GALNT15: variants seen among roughly 807,000 people sequenced by gnomAD.
GALNT15 encodes the protein polypeptide N-acetylgalactosaminyltransferase 15, also known as UDP-GalNAc transferase T15.
A neutral mutation model predicts 66.8 loss-of-function variants in GALNT15; 67 were observed. The observed-to-expected ratio is 1.00, with a 90% CI of 0.82 to 1.23. GALNT15 has a LOEUF of 1.23. Among genes scored for constraint, GALNT15 ranks in the 50% most tolerant of loss-of-function variants. GALNT15 has a pLI of 0.00. For synonymous variants in GALNT15, 313 were observed against 311.5 expected (o/e 1.00, Z -0.05); for missense variants, 827 against 804.3 (o/e 1.03, Z -0.34).
Position 16,227,436 on chromosome 3 carries a change from C to A in GALNT15, c.1856C>A (p.Pro619Gln), listed in dbSNP as rs768652643. 8 of 1,613,996 alleles carry A rather than the reference C, an allele frequency of 5.0e-6. No homozygotes were observed. The Admixed American group carries it at 1.2e-4, about 24-fold the overall frequency. ...AACAATAAAGATTTGTACCTGCGTCCGTGTGATGGAAAAGCCCGCCAGCAG... is the reference window on the plus strand; with the variant it reads ...AACAATAAAGATTTGTACCTGCGTCAGTGTGATGGAAAAGCCCGCCAGCAG... ...QENNKDLYLR[P>Q]CDGKARQQWR... The change falls in exon 10 of 10, where the codon CCG (proline) becomes CAG (glutamine). Residue 619 changes from proline (P) to glutamine (Q), a missense_variant. Pro to Gln is a moderately conservative substitution (Grantham distance 76). Transcript: ENST00000339732. The surrounding 1 kb of genome is among the most constrained non-coding windows in gnomAD (Gnocchi z 4.5).
At chr3:16,231,648 A>G (rs928027754), downstream of GALNT15, 36 of 633,894 alleles carry the variant, frequency 5.7e-5, no homozygotes, top group African/African-American at 6.2e-4. This position sits in a 1 kb window ranked among gnomAD's most constrained non-coding sequence, Gnocchi z 4.1. Flanking sequence ...AAGAGACCAG[A>G]TTAATGTTTG....
downstream of GALNT15, among the ~76,000 whole-genome samples, chr3:16,234,123 G>A (rs2064111548): frequency 6.6e-6 from 1 of 152,172 alleles, no homozygotes; most frequent in Admixed American, 6.5e-5. Flanking sequence ...AGATTTGATT[G>A]TCTTAATCCT....
chr3:16,232,489 T>A (rs1261720433), downstream of GALNT15, among the ~76,000 whole-genome samples: 346 of 74,558 alleles, frequency 4.6e-3, 11 homozygotes, highest in African/African-American at 0.012. Context: ...TATATATATA[T>A]ATATATATAT....
rs1273565634 is a variant in GALNT15, at chr3:16,227,840, CAG to C, written c.*341_*342del. 1 of 1,058,826 alleles carries C rather than the reference CAG, an allele frequency of 9.4e-7. No homozygotes were observed. Among genetic ancestry groups the C allele is most frequent in the Non-Finnish European group, 1.1e-6 (1 of 877,552 alleles). The allele number at this position is 1,058,826 out of a possible 1,614,324, so 65.6% of individuals were successfully genotyped here. A position where few individuals can be genotyped will look rare whatever the true frequency, so the allele number is the denominator to read the frequency against. ...CCTGGACATTCTCTGGCAGCACCTCCAGGATACATAAATTCAATGGATCAATT... is the reference window on the plus strand; with the variant it reads ...CCTGGACATTCTCTGGCAGCACCTCCGATACATAAATTCAATGGATCAATT... On this transcript the variant is annotated 3_prime_UTR_variant, in exon 10 of 10. Transcript: ENST00000339732. The surrounding 1 kb of genome is among the most constrained non-coding windows in gnomAD (Gnocchi z 4.5).
At position 16,229,431 on chromosome 3, in the gene GALNT15, C is replaced by T. The variant is rs191384972; in HGVS notation, c.*1931C>T. ...GGTCTACTTCTACTGTATTGGCGAG[C>T]ATGGATATAGAACATTTCATCACAG... On this transcript the variant is annotated 3_prime_UTR_variant, in exon 10 of 10. Coordinates refer to ENST00000339732, the MANE Select transcript of GALNT15 (RefSeq NM_054110.5). 4.5e-4 allele frequency: 419 copies of T among 928,382 alleles called. No individual in the cohort carries two copies. The highest frequency in any genetic ancestry group is 3.3e-3 in the Middle Eastern group (6 of 1,800). 57.5% of individuals were successfully genotyped at this position (928,382 alleles called of 1,614,324 possible).
chr3:16,190,617 GA>G lies in GALNT15; in HGVS notation c.540-5142del, dbSNP rs779151702. On this transcript the variant is annotated intron_variant, in intron 1 of 9. Coordinates refer to ENST00000339732, the MANE Select transcript of GALNT15 (RefSeq NM_054110.5). ...CGCGCCACTGCACTCCAGCCTGGGG[GA>G]CAGAGCGAGACTCCGTATCAAAAAA... Among the ~76,000 whole-genome samples, 283 of 145,028 alleles carry G rather than the reference GA, an allele frequency of 2.0e-3. 2 individuals carry two copies. Among genetic ancestry groups the G allele is most frequent in the Middle Eastern group, 3.8e-3 (1 of 266 alleles).
intron 3 of GALNT15, among the ~76,000 whole-genome samples, chr3:16,207,500 G>T (rs1401208316): frequency 5.2e-5 from 3 of 57,252 alleles, no homozygotes; most frequent in South Asian, 8.8e-4. Context: ...TCTCCAGGCT[G>T]TAAAAAAAAA....
At chr3:16,236,129 A>AAAAAAAAAAAAAAAAAAC (rs2064124453), downstream of GALNT15, among the ~76,000 whole-genome samples, 1 of 147,408 alleles carries the variant, frequency 6.8e-6, no homozygotes. Flanking sequence ...AAAAAAAAAA[A>AAAAAAAAAAAAAAAAAAC]AAGGACTGGG....
chr3:16,214,994 A>G (rs1039182273), intron 6 of GALNT15, among the ~76,000 whole-genome samples: 3 of 152,202 alleles, frequency 2.0e-5, no homozygotes, highest in Non-Finnish European at 4.4e-5. Flanking sequence ...TTGCTTTCAG[A>G]GGACATTTTC....
chr3:16,191,397 G>A lies in GALNT15; in HGVS notation c.540-4363G>A. ...TCACTCTGTGCCACCCACTGTTCTTGGTGCTTTATAAAGATCATTTCATCT... is the reference window on the plus strand; with the variant it reads ...TCACTCTGTGCCACCCACTGTTCTTAGTGCTTTATAAAGATCATTTCATCT... On this transcript the variant is annotated intron_variant, in intron 1 of 9. Transcript: ENST00000339732. The surrounding 1 kb of genome is among the most constrained non-coding windows in gnomAD (Gnocchi z 5.2). 1.1e-6 allele frequency: 1 copy of A among 927,406 alleles called. No individual in the cohort carries two copies. The highest frequency in any genetic ancestry group is 1.8e-5 in the African/African-American group (1 of 56,172). The allele number at this position is 927,406 out of a possible 1,614,324, so 57.4% of individuals were successfully genotyped here.
rs554463088 is a variant in GALNT15 at position 16,229,243 on chromosome 3, T to G, written c.*1743T>G. 1.0e-6 allele frequency: 1 copy of G among 985,274 alleles called. No individual in the cohort carries two copies. The highest frequency in any genetic ancestry group is 4.7e-5 in the South Asian group (1 of 21,284). The allele number at this position is 985,274 out of a possible 1,614,324, so 61.0% of individuals were successfully genotyped here. A position where few individuals can be genotyped will look rare whatever the true frequency, so the allele number is the denominator to read the frequency against. The stretch of plus-strand genomic sequence containing the variant: ...CTAAGTCAAGGGTTCACTGCATTTC[T>G]CCTTCCTCAGAATACACTCTGGACC... On this transcript the variant is annotated 3_prime_UTR_variant, in exon 10 of 10. Transcript: ENST00000339732.
rs569464691 is a variant in GALNT15, at chr3:16,184,250, A to G, written c.539+8560A>G. Among the ~76,000 whole-genome samples the G allele has an allele frequency of 2.6e-5, 4 of 152,198 alleles. No homozygotes were observed. Among genetic ancestry groups the G allele is most frequent in the Non-Finnish European group, 5.9e-5 (4 of 68,034 alleles). ...CACCGGATATTTCGTTGAAGCAGAG[A>G]AGTTAGCCTCATTATTTAACAATAA... is the stretch of plus-strand genomic sequence containing the variant. On this transcript the variant is annotated intron_variant, in intron 1 of 9. Coordinates refer to ENST00000339732, the MANE Select transcript of GALNT15 (RefSeq NM_054110.5). This position sits in a 1 kb window ranked among gnomAD's most constrained non-coding sequence, Gnocchi z 5.0.
Position 16,199,466 on chromosome 3 carries a change from C to T in GALNT15, c.707-1153C>T, listed in dbSNP as rs548748248. On this transcript the variant is annotated intron_variant, in intron 2 of 9. Transcript: ENST00000339732. ...TTTGACCAGCACCACCAATCTCCTA[C>T]CAGCTGCCAAATTTAATGGAGCCTT... Among the ~76,000 whole-genome samples, 5 of 142,318 alleles carry T rather than the reference C, an allele frequency of 3.5e-5. 1 individual carries two copies. In the South Asian group the frequency reaches 1.1e-3, roughly 32 times the overall value. The allele number at this position is 142,318 out of a possible 152,430, so 93.4% of individuals were successfully genotyped here. A position where few individuals can be genotyped will look rare whatever the true frequency, so the allele number is the denominator to read the frequency against.
chr3:16,231,899 C>T (rs1235656329), downstream of GALNT15: 6 of 1,535,730 alleles, frequency 3.9e-6, no homozygotes, highest in African/African-American at 8.2e-5. This position sits in a 1 kb window ranked among gnomAD's most constrained non-coding sequence, Gnocchi z 4.1. Flanking sequence ...ATTCAGAGAT[C>T]CTCAAGAAGG....
chr3:16,199,092 C>G (rs2881447), intron 2 of GALNT15, among the ~76,000 whole-genome samples: 106,854 of 140,558 alleles, frequency 0.76, 45,340 homozygotes, highest in East Asian at 1. Context: ...AGTCCACTGG[C>G]CTGGGGGGAC....
In GALNT15 at chr3:16,228,403, G is replaced by T; in HGVS notation, c.*903G>T. ...TGCCTGTAATTCCAGCACTTTGGGA[G>T]GCAGAGTTGGGAGGATCACCTGATG... On this transcript the variant is annotated 3_prime_UTR_variant, in exon 10 of 10. Coordinates refer to ENST00000339732, the MANE Select transcript of GALNT15 (RefSeq NM_054110.5). The T allele has an allele frequency of 1.1e-6, 1 of 912,602 alleles. No individual in the cohort carries two copies. The highest frequency in any genetic ancestry group is 1.3e-6 in the Non-Finnish European group (1 of 763,408). 56.5% of individuals were successfully genotyped at this position (912,602 alleles called of 1,614,324 possible).
At position 16,225,081 on chromosome 3, in the gene GALNT15, C is replaced by G. The variant is rs949847538; in HGVS notation, c.1774-2273C>G. On this transcript the variant is annotated intron_variant, in intron 9 of 9. Transcript: ENST00000339732. This position sits in a 1 kb window ranked among gnomAD's most constrained non-coding sequence, Gnocchi z 4.4. ...CTGGGGAGGCCTCAGAGAGCTTTTA[C>G]TTATGGCAGAAGATGAAGTGGGAGC... Among the ~76,000 whole-genome samples, 23 of 152,258 alleles carry G rather than the reference C, an allele frequency of 1.5e-4. No homozygotes were observed. Among genetic ancestry groups the G allele is most frequent in the African/African-American group, 5.1e-4 (21 of 41,546 alleles).
rs576785987 is a variant in GALNT15, at chr3:16,186,710, C to G, written c.540-9050C>G. Among the ~76,000 whole-genome samples, 1 of 152,266 alleles carries G rather than the reference C, an allele frequency of 6.6e-6. No individual in the cohort carries two copies. Among genetic ancestry groups the G allele is most frequent in the East Asian group, 1.9e-4 (1 of 5,180 alleles). ...AAAGGCCACGTTATGTCATTTCATT[C>G]ATATGAAGTGTCCAAAGTAGGCAAG... On this transcript the variant is annotated intron_variant, in intron 1 of 9. Coordinates refer to ENST00000339732, the MANE Select transcript of GALNT15 (RefSeq NM_054110.5). This position sits in a 1 kb window ranked among gnomAD's most constrained non-coding sequence, Gnocchi z 5.1.
rs889333457 is a variant in GALNT15, at chr3:16,189,078, T to C, written c.540-6682T>C. ...TCTGAAGGGAAGTCATCCTGCATTT[T>C]AACAACAACAACAAAAAAAGGAAGC... On this transcript the variant is annotated intron_variant, in intron 1 of 9. Coordinates refer to ENST00000339732, the MANE Select transcript of GALNT15 (RefSeq NM_054110.5). The surrounding 1 kb of genome is among the most constrained non-coding windows in gnomAD (Gnocchi z 5.1). Among the ~76,000 whole-genome samples, 16 of 152,090 alleles carry C rather than the reference T, an allele frequency of 1.1e-4. No homozygotes were observed.
Sources: allele counts gnomAD v4.1 joint callset (sites outside exome capture counted in the v4.1 genomes callset), GRCh38; gene constraint gnomAD v4.1.1; non-coding constraint Gnocchi (gnomAD v3.1); transcripts MANE v1.5; gene names NCBI Gene and HGNC (gene_info 2026-07-23, HGNC 2026-07-21).